The following TBL1XR1 variants were observed in gnomAD, a reference collection of about 807,000 sequenced individuals.
TBL1XR1 encodes TBL1X/Y related 1.
TBL1XR1 carries 5 observed loss-of-function variants against 66.9 expected under a neutral mutation model. The ratio of observed to expected loss-of-function variants is 0.07; its 90% CI spans 0.04 to 0.16. The LOEUF is 0.16. Among genes scored for constraint, TBL1XR1 ranks in the 10% least tolerant of loss-of-function variants. The pLI is 1.00. For missense variants in TBL1XR1, 238 were observed against 623.2 expected, an observed-to-expected ratio of 0.38 and a Z score of 6.58; for synonymous variants, 210 against 206.0, an observed-to-expected ratio of 1.02 and a Z score of -0.17.
At chr3:177,141,053 A>G (rs1229770145) in intron 1 of TBL1XR1, among the ~76,000 whole-genome samples, 1 of 152,212 alleles carries the variant, frequency 6.6e-6, no homozygotes, top group African/African-American at 2.4e-5. Flanking sequence ...TAACTGGAAA[A>G]AGAAAATGTA....
chr3:177,096,327 T>TACACAC (rs1325905920), intron 2 of TBL1XR1, among the ~76,000 whole-genome samples: 158 of 108,268 alleles, frequency 1.5e-3, no homozygotes, highest in African/African-American at 4.8e-3. Context: ...CACACTAACA[T>TACACAC]ACATACATAC....
At chr3:177,054,104 C>G (rs1191420868) in intron 3 of TBL1XR1, among the ~76,000 whole-genome samples, 186 bp from the exon 4 acceptor site, 1 of 151,680 alleles carries the variant, frequency 6.6e-6, no homozygotes, top group East Asian at 1.9e-4. Flanking sequence ...GTAAACATGT[C>G]AGCCTTTACA....
chr3:177,038,935 T>C (rs1378585567), intron 10 of TBL1XR1, among the ~76,000 whole-genome samples: 4 of 152,152 alleles, frequency 2.6e-5, no homozygotes, highest in Non-Finnish European at 5.9e-5. Flanking sequence ...AACACACAAG[T>C]TGAGCACCCC....
chr3:177,153,684 T>G (rs2108861684), intron 1 of TBL1XR1, among the ~76,000 whole-genome samples: 1 of 152,112 alleles, frequency 6.6e-6, no homozygotes, highest in South Asian at 2.1e-4. Context: ...CGTCAGGAGT[T>G]TGAGACCAGC....
In TBL1XR1 at chr3:177,050,512, C is replaced by A; in HGVS notation, c.526G>T (p.Ala176Ser). ...RGHESEVFIC[A>S]WNPVSDLLAS... ...AGGAGATCACTAACAGGGTTCCAGG[C>A]ACAGATAAAAACTTCAGATTCATGG... Residue 176 changes from alanine (A) to serine (S), a missense_variant, in exon 6 of 16, where the codon GCC becomes TCC. Around this residue, in one of 8 missense-constraint regions of TBL1XR1, gnomAD observed 26 missense variants for 103.7 expected, o/e 0.25. Coordinates refer to ENST00000457928, the MANE Select transcript of TBL1XR1 (RefSeq NM_024665.7). The A allele has an allele frequency of 6.2e-7, 1 of 1,613,770 alleles. No homozygotes were observed. Among genetic ancestry groups the A allele is most frequent in the Non-Finnish European group, 8.5e-7 (1 of 1,179,830 alleles).
At chr3:177,103,218 T>C (rs1347752849) in intron 1 of TBL1XR1, among the ~76,000 whole-genome samples, 1 of 152,194 alleles carries the variant, frequency 6.6e-6, no homozygotes, top group African/African-American at 2.4e-5. Context: ...TTCCAGAAGG[T>C]GACCAATAAA....
chr3:177,028,222 T>G (rs758674138), intron 14 of TBL1XR1, among the ~76,000 whole-genome samples: 1 of 152,014 alleles, frequency 6.6e-6, no homozygotes, highest in African/African-American at 2.4e-5. Flanking sequence ...ACAAAAAACC[T>G]GGATGTATAT....
At chr3:177,168,472 G>A (rs1483302980) in intron 1 of TBL1XR1, among the ~76,000 whole-genome samples, 2 of 152,022 alleles carry the variant, frequency 1.3e-5, no homozygotes, top group Non-Finnish European at 2.9e-5. Flanking sequence ...AGTAGAGGCG[G>A]GGTTTCACCA....
rs114123097 is a variant in TBL1XR1 at position 177,106,344 on chromosome 3, A to G, written c.-121-7803T>C. On this transcript the variant is annotated intron_variant, in intron 1 of 15. Transcript: ENST00000457928. ...ATATGTGATTCATCAAGGAAGTTCT[A>G]GTGGGCACTTAGGCAAATGAGCTGA... 5.4e-3 allele frequency among the ~76,000 whole-genome samples: 817 copies of G among 152,334 alleles called. 7 individuals are homozygous for G. Among genetic ancestry groups the G allele is most frequent in the African/African-American group, 0.018 (760 of 41,568 alleles).
At position 177,034,228 on chromosome 3, in the gene TBL1XR1, T is replaced by C. The variant is rs781011308; in HGVS notation, c.1220A>G (p.Asn407Ser). The C allele has an allele frequency of 2.7e-5, 44 of 1,601,464 alleles. No homozygotes were observed. The East Asian group carries it at 2.9e-4, about 11-fold the overall frequency. Reference protein sequence around the residue: ...IKWSPTGPGTNNPNANLMLAS... With the variant: ...IKWSPTGPGTSNPNANLMLAS... The stretch of plus-strand genomic sequence containing the variant: ...TAACATAAGGTTGGCATTTGGATTA[T>C]TAGTCCCTGGTCCTGTTGGACTCCA... Residue 407 changes from asparagine to serine, a missense_variant, in exon 13 of 16, where the codon AAT (asparagine) becomes AGT (serine). Asn to Ser is a conservative substitution (Grantham distance 46). This residue lies in a region of TBL1XR1 where 89 missense variants were observed against 220.2 expected (regional missense o/e 0.40). Coordinates refer to ENST00000457928, the MANE Select transcript of TBL1XR1 (RefSeq NM_024665.7).
chr3:177,071,896 G>C (rs1720063510), intron 2 of TBL1XR1, among the ~76,000 whole-genome samples: 1 of 152,182 alleles, frequency 6.6e-6, no homozygotes, highest in Non-Finnish European at 1.5e-5. Flanking sequence ...GAAAACAGTT[G>C]GCAGTACTGT....
chr3:177,182,963 T>C (rs1231862465), intron 1 of TBL1XR1, among the ~76,000 whole-genome samples: 1 of 152,144 alleles, frequency 6.6e-6, no homozygotes, highest in African/African-American at 2.4e-5. Context: ...CTGTTCAGAT[T>C]TTCCCTCCAA....
intron 1 of TBL1XR1, among the ~76,000 whole-genome samples, chr3:177,108,493 TAGAC>T (rs1321403645): frequency 6.6e-6 from 1 of 152,194 alleles, no homozygotes; most frequent in Non-Finnish European, 1.5e-5. Flanking sequence ...TATAGTGTAT[TAGAC>T]AGCTTGATAA....
chr3:177,179,117 C>CAAAAAAAAAAAAAAAAAAAAAAA (rs71178099), intron 1 of TBL1XR1, among the ~76,000 whole-genome samples: 1 of 107,448 alleles, frequency 9.3e-6, no homozygotes. Context: ...AACTACGTCT[C>CAAAAAAAAAAAAAAAAAAAAAAA]AAAAAAAAAA....
Position 177,020,525 on chromosome 3 carries a change from G to A in TBL1XR1, c.*4973C>T, listed in dbSNP as rs963296562. The A allele has an allele frequency of 1.3e-5, 2 of 152,138 alleles. No homozygotes were observed. Among genetic ancestry groups the A allele is most frequent in the Non-Finnish European group, 2.9e-5 (2 of 68,010 alleles). The allele number at this position is 152,138 out of a possible 1,614,324, so 9.4% of individuals were successfully genotyped here. A position where few individuals can be genotyped will look rare whatever the true frequency, so the allele number is the denominator to read the frequency against. On this transcript the variant is annotated 3_prime_UTR_variant, in exon 16 of 16. Transcript: ENST00000457928. ...AACAGTGGTTTGGGTTCTGATGGCA[G>A]TTATTAATCAGTAACACCAGTATGG...
intron 2 of TBL1XR1, among the ~76,000 whole-genome samples, chr3:177,084,836 G>A (rs1443369153): frequency 6.6e-6 from 1 of 152,228 alleles, no homozygotes; most frequent in East Asian, 1.9e-4. Flanking sequence ...TCTGAAACAG[G>A]TTTGTTCTAT....
At chr3:177,084,962 A>G (rs1721939604) in intron 2 of TBL1XR1, among the ~76,000 whole-genome samples, 1 of 152,198 alleles carries the variant, frequency 6.6e-6, no homozygotes, top group Non-Finnish European at 1.5e-5. Flanking sequence ...ACTCTCTACT[A>G]TTCTTCTGAG....
chr3:177,076,359 C>T (rs1720702091), intron 2 of TBL1XR1, among the ~76,000 whole-genome samples: 2 of 152,210 alleles, frequency 1.3e-5, no homozygotes, highest in Admixed American at 1.3e-4. Flanking sequence ...TGTGTCTTCA[C>T]ACTGTTCTCC....
intron 1 of TBL1XR1, among the ~76,000 whole-genome samples, chr3:177,181,662 G>A (rs1734838490): frequency 6.6e-6 from 1 of 152,024 alleles, no homozygotes; most frequent in African/African-American, 2.4e-5. Flanking sequence ...AGAGACAAAG[G>A]ACACAGAGTA....
Sources: allele counts gnomAD v4.1 joint callset (sites outside exome capture counted in the v4.1 genomes callset), GRCh38; gene constraint gnomAD v4.1.1; regional missense constraint gnomAD v4.1.1; transcripts MANE v1.5; gene names NCBI Gene and HGNC (gene_info 2026-07-23, HGNC 2026-07-21).